Variants in PUM1 observed in about 807,000 individuals in gnomAD.
The protein encoded by PUM1 is pumilio homolog 1.
In PUM1, 13 loss-of-function variants were observed where a neutral mutation model predicts 131.8. That is an observed-to-expected ratio of 0.10 (90% CI 0.06 to 0.16). The LOEUF (loss-of-function observed/expected upper bound fraction) is 0.16. Ranked by LOEUF, PUM1 falls within the 10% of genes least tolerant of loss-of-function variation. PUM1 has a pLI of 1.00. For missense variants in PUM1, 961 were observed against 1,512.4 expected (o/e 0.64, Z 6.05); for synonymous variants, 509 against 556.5 (o/e 0.91, Z 1.20).
chr1:30,974,689 G>C lies in PUM1; in HGVS notation c.1468C>G (p.Gln490Glu). 1.2e-6 allele frequency: 2 copies of C among 1,610,382 alleles called. No homozygotes were observed. The highest frequency in any genetic ancestry group is 1.7e-6 in the Non-Finnish European group (2 of 1,178,900). ...AAAAATNSANQQTTPQAQQGQ... is the reference protein window; with the variant it reads ...AAAAATNSANEQTTPQAQQGQ... ...TGCTGAGCCTGTGGGGTGGTCTGTT[G>C]ATTAGCTGAATTAGTTGCTGCAGCG... The change falls in exon 10 of 22, where the codon CAA (glutamine) becomes GAA (glutamate). Residue 490 changes from glutamine (Q) to glutamate (E), a missense_variant. Gln to Glu is a conservative substitution (Grantham distance 29). Transcript: ENST00000426105.
rs1553152630 is a variant in PUM1 at position 31,038,958 on chromosome 1, T to TATATATATATATATATATATATATATATA, written c.364-10095_364-10094insTATATATATATATATATATATATATATAT. ...TAGCCATTTAAAATGTTTTAAAATT[T>TATATATATATATATATATATATATATATA]TATATATATATATATATATATATAT... On this transcript the variant is annotated intron_variant, in intron 2 of 21. Coordinates refer to ENST00000426105, the MANE Select transcript of PUM1 (RefSeq NM_001020658.2). Among the ~76,000 whole-genome samples the TATATATATATATATATATATATATATATA allele has an allele frequency of 1.4e-4, 6 of 43,964 alleles. 2 individuals are homozygous for TATATATATATATATATATATATATATATA. Among genetic ancestry groups the TATATATATATATATATATATATATATATA allele is most frequent in the African/African-American group, 5.2e-4 (3 of 5,784 alleles). The allele number at this position is 43,964 out of a possible 152,430, so 28.8% of individuals were successfully genotyped here.
intron 18 of PUM1, 21 bp downstream of exon 18, chr1:30,945,325 T>C (rs767161928): frequency 6.2e-7 from 1 of 1,612,370 alleles, no homozygotes; most frequent in Non-Finnish European, 8.5e-7. Flanking sequence ...GTTTCCATTA[T>C]TTCTCTCCTG....
chr1:30,949,577 C>A (rs1393273809), intron 17 of PUM1, among the ~76,000 whole-genome samples: 1 of 151,630 alleles, frequency 6.6e-6, no homozygotes, highest in African/African-American at 2.4e-5. Flanking sequence ...CATGTCCTCA[C>A]CACTGCTCAC....
At chr1:31,048,511 G>C in intron 2 of PUM1, among the ~76,000 whole-genome samples, 1 of 147,998 alleles carries the variant, frequency 6.8e-6, no homozygotes, top group African/African-American at 2.5e-5. Flanking sequence ...GTCTCGCTCT[G>C]TCGCCCAGGC....
intron 7 of PUM1, among the ~76,000 whole-genome samples, chr1:30,984,937 C>T (rs1187020463): frequency 2.0e-5 from 3 of 152,026 alleles, no homozygotes; most frequent in African/African-American, 7.3e-5. Context: ...CCCTGGCCAC[C>T]GGCCACAATA....
intron 2 of PUM1, among the ~76,000 whole-genome samples, chr1:31,053,357 A>AT (rs1486385813): frequency 1.1e-3 from 163 of 144,624 alleles, no homozygotes; most frequent in African/African-American, 3.1e-3. Flanking sequence ...AAAAAAAAAA[A>AT]TTTTTTTCAT....
intron 1 of PUM1, among the ~76,000 whole-genome samples, chr1:31,063,249 T>C (rs893076917): frequency 6.6e-6 from 1 of 152,174 alleles, no homozygotes; most frequent in Non-Finnish European, 1.5e-5. Context: ...TTTCCTCATC[T>C]AGAAAATGAA....
At chr1:30,977,503 G>A (rs916126433) in intron 9 of PUM1, among the ~76,000 whole-genome samples, 12 of 152,110 alleles carry the variant, frequency 7.9e-5, no homozygotes, top group Non-Finnish European at 5.9e-5. Context: ...ACTACTATAC[G>A]CTGGTCACAT....
At chr1:30,938,773 G>C (rs1371802074) in intron 20 of PUM1, among the ~76,000 whole-genome samples, 1 of 152,132 alleles carries the variant, frequency 6.6e-6, no homozygotes, top group Non-Finnish European at 1.5e-5. Context: ...GCTGAGGCAG[G>C]AGAATGGTGT....
chr1:31,008,705 A>C (rs1642483475), intron 3 of PUM1, among the ~76,000 whole-genome samples: 1 of 152,134 alleles, frequency 6.6e-6, no homozygotes, highest in South Asian at 2.1e-4. Context: ...AATATTGTTG[A>C]TGAGTGCCTA....
chr1:31,054,287 T>C (rs899778538), intron 2 of PUM1, among the ~76,000 whole-genome samples: 4 of 151,650 alleles, frequency 2.6e-5, no homozygotes, highest in African/African-American at 7.3e-5. Context: ...ATGGTGCCCA[T>C]TGCACTCCAG....
At chr1:30,974,087 CAAA>C (rs201918935) in intron 10 of PUM1, among the ~76,000 whole-genome samples, 1 of 106,812 alleles carries the variant, frequency 9.4e-6, no homozygotes. Flanking sequence ...GACTCCATCT[CAAA>C]AAAAAAAAAA....
intron 7 of PUM1, among the ~76,000 whole-genome samples, chr1:30,984,459 G>A (rs901073197): frequency 2.6e-5 from 4 of 152,132 alleles, no homozygotes; most frequent in African/African-American, 9.7e-5. Context: ...TCCCATAACT[G>A]AGAAACAAAA....
At chr1:30,957,581 CAG>C (rs1640222551) in intron 14 of PUM1, among the ~76,000 whole-genome samples, 1 of 152,196 alleles carries the variant, frequency 6.6e-6, no homozygotes, top group Admixed American at 6.5e-5. Flanking sequence ...CAACTTTCCA[CAG>C]AGAGTAAGGG....
chr1:30,978,502 C>T (rs571446418), intron 9 of PUM1, among the ~76,000 whole-genome samples: 1 of 152,178 alleles, frequency 6.6e-6, no homozygotes, highest in Admixed American at 6.5e-5. Flanking sequence ...CATAACCATG[C>T]CAAAATGTAA....
intron 2 of PUM1, among the ~76,000 whole-genome samples, chr1:31,044,204 A>G (rs1015120868): frequency 6.6e-6 from 1 of 152,110 alleles, no homozygotes; most frequent in Non-Finnish European, 1.5e-5. Context: ...GATCGAGACC[A>G]TCCTGGCTAA....
intron 3 of PUM1, among the ~76,000 whole-genome samples, chr1:31,023,641 C>T (rs977347515): frequency 1.3e-5 from 2 of 152,058 alleles, no homozygotes; most frequent in African/African-American, 4.8e-5. Context: ...CTTTAAAGAA[C>T]CCAACGAAGC....
chr1:30,985,760 G>A (rs967651826), intron 7 of PUM1, among the ~76,000 whole-genome samples: 7 of 151,800 alleles, frequency 4.6e-5, no homozygotes, highest in South Asian at 4.2e-4. Flanking sequence ...TTGTTTTTAC[G>A]GATGAGTACT....
rs1459179174 is a variant in PUM1 at position 31,059,275 on chromosome 1, T to C, written c.292A>G (p.Ser98Gly). 33 of 1,613,826 alleles carry C rather than the reference T, an allele frequency of 2.0e-5. No individual in the cohort carries two copies. The highest frequency in any genetic ancestry group is 2.8e-5 in the Non-Finnish European group (33 of 1,179,924). Reference sequence around the variant, plus strand: ...CTATTATTATAGCCGCCTCCTCCACTTCCTCCTCCCCCAAGCTGCTCACCA... The same window carrying C: ...CTATTATTATAGCCGCCTCCTCCACCTCCTCCTCCCCCAAGCTGCTCACCA... ...QHGEQLGGGGSGGGGYNNSKH... is the reference protein window; with the variant it reads ...QHGEQLGGGGGGGGGYNNSKH... The change falls in exon 2 of 22, where the codon AGT (serine) becomes GGT (glycine). Residue 98 changes from serine to glycine, a missense_variant. Physicochemically the swap from Ser to Gly is moderately conservative, Grantham distance 56. Coordinates refer to ENST00000426105, the MANE Select transcript of PUM1 (RefSeq NM_001020658.2).
Sources: allele counts gnomAD v4.1 joint callset (sites outside exome capture counted in the v4.1 genomes callset), GRCh38; gene constraint gnomAD v4.1.1; transcripts MANE v1.5; gene names NCBI Gene and HGNC (gene_info 2026-07-23, HGNC 2026-07-21).